The following LRRTM1 variants were observed in gnomAD, a reference collection of about 807,000 sequenced individuals.
The protein encoded by LRRTM1 is leucine-rich repeat transmembrane neuronal protein 1.
Under a neutral mutation model 37.3 loss-of-function variants are expected in LRRTM1, and 8 were observed. That is an observed-to-expected ratio of 0.21 (90% CI 0.13 to 0.39). The LOEUF is 0.39. LRRTM1 is among the 10% of genes least tolerant of loss of function. The probability of loss-of-function intolerance (pLI) is 1.00; values close to 1 mark genes in which losing one functional copy is unlikely to be tolerated. For synonymous variants in LRRTM1, 326 were observed against 316.8 expected (o/e 1.03, Z -0.31); for missense variants, 557 against 691.0 (o/e 0.81, Z 2.17).
At chr2:80,304,047 G>A (rs1676655992) in intron 1 of LRRTM1, 105 bp downstream of exon 1, 3 of 440,964 alleles carry the variant, frequency 6.8e-6, no homozygotes, top group Admixed American at 4.1e-5. Flanking sequence ...GCCACGGAAA[G>A]ATCAAAGAGA....
chr2:80,297,541 A>G (rs1225396144), downstream of LRRTM1, among the ~76,000 whole-genome samples: 1 of 152,192 alleles, frequency 6.6e-6, no homozygotes, highest in East Asian at 1.9e-4. Flanking sequence ...TTGAGTAAAA[A>G]AAGCAAAAGT....
intron 2 of LRRTM1, among the ~76,000 whole-genome samples, chr2:80,295,224 A>AT (rs1281758897): frequency 6.5e-5 from 8 of 123,966 alleles, no homozygotes; most frequent in Non-Finnish European, 1.0e-4. Context: ...GTCCTGAACA[A>AT]ATTTTTTTTT....
At chr2:80,295,770 T>G (rs1319023977) in intron 2 of LRRTM1, among the ~76,000 whole-genome samples, 1 of 152,238 alleles carries the variant, frequency 6.6e-6, no homozygotes. Context: ...TTCTAGACCC[T>G]ATTTCTTCCA....
intron 2 of LRRTM1, among the ~76,000 whole-genome samples, chr2:80,293,814 G>A (rs578155247): frequency 1.1e-4 from 16 of 152,280 alleles, no homozygotes; most frequent in African/African-American, 3.9e-4. Context: ...TTTGGTGTTA[G>A]GGGTATTTGG....
chr2:80,302,256 C>G lies in LRRTM1; in HGVS notation c.1564G>C (p.Val522Leu). 6.2e-7 allele frequency: 1 copy of G among 1,612,434 alleles called. No homozygotes were observed. Among genetic ancestry groups the G allele is most frequent in the Non-Finnish European group, 8.5e-7 (1 of 1,179,168 alleles). Residue 522 changes from valine (V) to leucine (L), a missense_variant, in exon 2 of 2, where the codon GTG becomes CTG. Coordinates refer to ENST00000295057, the MANE Select transcript of LRRTM1 (RefSeq NM_178839.5). This position sits in a 1 kb window ranked among gnomAD's most constrained non-coding sequence, Gnocchi z 6.4. Reference sequence around the variant, plus strand: ...GTTGAGAGCCACTGGGACAATCACACCTCGCATTCCCTCGCGGGCTGCTGG... The same window carrying G: ...GTTGAGAGCCACTGGGACAATCACAGCTCGCATTCCCTCGCGGGCTGCTGG... ...CHQQPARECE[V>L]
chr2:80,296,687 G>A (rs937657895), intron 2 of LRRTM1, among the ~76,000 whole-genome samples: 10 of 152,188 alleles, frequency 6.6e-5, no homozygotes, highest in East Asian at 1.9e-4. Flanking sequence ...ACTTTCTGTC[G>A]TGGAGCAGGG....
chr2:80,300,352 G>A (rs550712943), downstream of LRRTM1, among the ~76,000 whole-genome samples: 14 of 148,886 alleles, frequency 9.4e-5, no homozygotes, highest in African/African-American at 3.5e-4. Context: ...GTCTCCCAGG[G>A]CTTAACATCT....
At chr2:80,297,974 G>GGT (rs1241553780), downstream of LRRTM1, among the ~76,000 whole-genome samples, 12 of 151,204 alleles carry the variant, frequency 7.9e-5, 1 homozygote, top group East Asian at 1.8e-3. Context: ...CGCGTGTATG[G>GGT]GTGTGTGTGT....
At chr2:80,300,857 C>T (rs868569672), downstream of LRRTM1, among the ~76,000 whole-genome samples, 2 of 151,998 alleles carry the variant, frequency 1.3e-5, no homozygotes, top group Non-Finnish European at 1.5e-5. Flanking sequence ...ACCACCACCT[C>T]CTCACTCTTT....
At chr2:80,291,387 T>G (rs1171273709) in intron 2 of LRRTM1, among the ~76,000 whole-genome samples, 1 of 152,242 alleles carries the variant, frequency 6.6e-6, no homozygotes, top group Non-Finnish European at 1.5e-5. Flanking sequence ...GGAACCAACT[T>G]GCTCAAGGGC....
Position 80,302,942 on chromosome 2 carries a change from G to T in LRRTM1, c.878C>A (p.Thr293Asn). 3.1e-6 allele frequency: 5 copies of T among 1,614,024 alleles called. No individual in the cohort carries two copies. The highest frequency in any genetic ancestry group is 4.2e-6 in the Non-Finnish European group (5 of 1,180,008). ...QSLQLDSNRL[T>N]YIEPRILNSW... ...GTTGAGGATCCGGGGCTCGATGTAG[G>T]TGAGGCGGTTGGAGTCCAGCTGCAG... Residue 293 changes from threonine (T) to asparagine (N), a missense_variant, in exon 2 of 2, where the codon ACC (threonine) becomes AAC (asparagine). Transcript: ENST00000295057. This position sits in a 1 kb window ranked among gnomAD's most constrained non-coding sequence, Gnocchi z 6.4.
chr2:80,288,831 T>G (rs2149173867), exon 3 of LRRTM1: 1 of 152,296 alleles, frequency 6.6e-6, no homozygotes, highest in Middle Eastern at 3.4e-3. Flanking sequence ...ATCCCAGTTC[T>G]TTGGGGTTGG....
downstream of LRRTM1, among the ~76,000 whole-genome samples, chr2:80,301,610 AT>A (rs1354596042): frequency 4.6e-5 from 7 of 152,166 alleles, no homozygotes; most frequent in African/African-American, 1.7e-4. Flanking sequence ...AGGTGGTTAG[AT>A]TGCACTGTCC....
At chr2:80,294,464 A>G (rs896081379) in intron 2 of LRRTM1, among the ~76,000 whole-genome samples, 7 of 151,304 alleles carry the variant, frequency 4.6e-5, no homozygotes, top group African/African-American at 1.7e-4. Context: ...CCCTGACCCC[A>G]TGGAGCCCTG....
rs1162891343 is a variant in LRRTM1, at chr2:80,304,562, T to G, written c.-470A>C. On this transcript the variant is annotated 5_prime_UTR_variant, in exon 1 of 2. Coordinates refer to ENST00000295057, the MANE Select transcript of LRRTM1 (RefSeq NM_178839.5). The stretch of plus-strand genomic sequence containing the variant: ...CACCTTTTACTCCGCGGAAACAGCC[T>G]GCCATTCGCGCCCCGGGCAGCTGCA... The G allele has an allele frequency of 6.6e-6, 1 of 152,372 alleles. No individual in the cohort carries two copies. Among genetic ancestry groups the G allele is most frequent in the Non-Finnish European group, 1.5e-5 (1 of 67,870 alleles). 9.4% of individuals were successfully genotyped at this position (152,372 alleles called of 1,614,324 possible).
chr2:80,301,071 T>C (rs2149203835), downstream of LRRTM1, among the ~76,000 whole-genome samples: 1 of 152,178 alleles, frequency 6.6e-6, no homozygotes, highest in African/African-American at 2.4e-5. Flanking sequence ...ATCAAATGAG[T>C]ATCTTCTCCC....
exon 3 of LRRTM1, chr2:80,288,779 T>C (rs1674988653): frequency 6.6e-6 from 1 of 152,072 alleles, no homozygotes; most frequent in Admixed American, 6.6e-5. Flanking sequence ...TGGTAGAAAA[T>C]AAAACAAAAA....
rs749698785 is a variant in LRRTM1, at chr2:80,302,863, C to T, written c.957G>A (p.Gly319=). 2.5e-6 allele frequency: 4 copies of T among 1,614,042 alleles called. No homozygotes were observed. The highest frequency in any genetic ancestry group is 1.3e-5 in the African/African-American group (1 of 74,948). Residue 319 remains glycine (G), a synonymous_variant, in exon 2 of 2, where the codon GGG becomes GGA. Transcript: ENST00000295057. The surrounding 1 kb of genome is among the most constrained non-coding windows in gnomAD (Gnocchi z 6.4). ...ITLAGNLWDC[G]RNVCALASWL... ...ACGAGGCTAGGGCACACACGTTGCG[C>T]CCGCAATCCCACAGGTTCCCGGCCA...
intron 1 of LRRTM1, 73 bp downstream of exon 1, chr2:80,304,079 A>C (rs538730458): frequency 6.1e-5 from 24 of 393,006 alleles, no homozygotes; most frequent in African/African-American, 3.9e-4. Flanking sequence ...TCCATGTTAG[A>C]TGCTGCAGCA....
Sources: allele counts gnomAD v4.1 joint callset (sites outside exome capture counted in the v4.1 genomes callset), GRCh38; gene constraint gnomAD v4.1.1; non-coding constraint Gnocchi (gnomAD v3.1); transcripts MANE v1.5; gene names NCBI Gene and HGNC (gene_info 2026-07-23, HGNC 2026-07-21).